Variants in ITSN1 observed in about 807,000 individuals in gnomAD.
ITSN1 encodes the protein intersectin-1.
In ITSN1, 58 loss-of-function variants were observed where a neutral mutation model predicts 239.8. The ratio of observed to expected loss-of-function variants is 0.24; its 90% CI spans 0.20 to 0.30. The LOEUF (loss-of-function observed/expected upper bound fraction) is 0.30, where lower values mean the gene tolerates loss of function less well. Among genes scored for constraint, ITSN1 ranks in the 10% least tolerant of loss-of-function variants. ITSN1 has a pLI of 1.00. For missense variants in ITSN1, 1,558 were observed against 2,103.3 expected (o/e 0.74, Z 5.07); for synonymous variants, 780 against 770.8 (o/e 1.01, Z -0.20).
At chr21:33,824,725 G>A (rs927428144) in intron 25 of ITSN1, among the ~76,000 whole-genome samples, 2 of 152,202 alleles carry the variant, frequency 1.3e-5, no homozygotes, top group Non-Finnish European at 2.9e-5. Flanking sequence ...CTCTCCTGCA[G>A]CTCCCAGAAA....
chr21:33,721,377 T>C, intron 3 of ITSN1, 107 bp downstream of exon 3: 1 of 735,048 alleles, frequency 1.4e-6, no homozygotes, highest in African/African-American at 1.7e-5. Context: ...AGGAGAGACA[T>C]TTACCTGTTT....
At chr21:33,782,790 C>A (rs1469498684) in intron 16 of ITSN1, among the ~76,000 whole-genome samples, 1 of 152,216 alleles carries the variant, frequency 6.6e-6, no homozygotes, top group Non-Finnish European at 1.5e-5. Flanking sequence ...CTTTGGGAGG[C>A]CGAGGCAGGC....
At chr21:33,869,902 G>T in intron 33 of ITSN1, among the ~76,000 whole-genome samples, 1 of 152,054 alleles carries the variant, frequency 6.6e-6, no homozygotes, top group Admixed American at 6.5e-5. Flanking sequence ...TTTATTTCTA[G>T]ATCCATCTAT....
chr21:33,791,776 C>T (rs2071153653), intron 16 of ITSN1, among the ~76,000 whole-genome samples: 2 of 152,106 alleles, frequency 1.3e-5, no homozygotes, highest in African/African-American at 4.8e-5. Flanking sequence ...TGGCCAGTGT[C>T]CATTCTGGTT....
intron 12 of ITSN1, among the ~76,000 whole-genome samples, chr21:33,772,550 A>G (rs969924676): frequency 6.6e-6 from 1 of 152,136 alleles, no homozygotes; most frequent in Non-Finnish European, 1.5e-5. Flanking sequence ...AGCTCCTATC[A>G]TTAATTTTAC....
chr21:33,856,804 G>A lies in ITSN1; in HGVS notation c.3730G>A (p.Glu1244Lys), dbSNP rs1979424956. The change falls in exon 30 of 40, where the codon GAG becomes AAG. Residue 1244 changes from glutamate to lysine, a missense_variant. By Grantham distance (56) the Glu-to-Lys change is moderately conservative. Around this residue, in one of 2 missense-constraint regions of ITSN1, gnomAD observed 576 missense variants for 893.3 expected, o/e 0.64. Transcript: ENST00000381318. The part of the protein sequence containing the change: ...TERKRQGYIH[E>K]LIVTEENYVN... ...AAGAAAGCGACAAGGATACATCCAC[G>A]AGCTCATTGTCACCGAGGAGAACTA... 5 of 1,614,126 alleles carry A rather than the reference G, an allele frequency of 3.1e-6. No individual in the cohort carries two copies. Among genetic ancestry groups the A allele is most frequent in the Non-Finnish European group, 4.2e-6 (5 of 1,180,030 alleles).
chr21:33,805,797 G>C (rs8133717), intron 20 of ITSN1, among the ~76,000 whole-genome samples: 4,105 of 151,086 alleles, frequency 0.027, 133 homozygotes, highest in African/African-American at 0.079. Context: ...TCAGCCTCCC[G>C]AGTAGCTAGG....
At position 33,653,743 on chromosome 21, in the gene ITSN1, C is replaced by T. The variant is rs192577728; in HGVS notation, c.-33+11030C>T. On this transcript the variant is annotated intron_variant, in intron 1 of 39. Transcript: ENST00000381318. Reference sequence around the variant, plus strand: ...TTCACCGTGTTAGCCAAGATGGCCTCGATCTCCTGACCTCGTGATCCGCCC... The same window carrying T: ...TTCACCGTGTTAGCCAAGATGGCCTTGATCTCCTGACCTCGTGATCCGCCC... Among the ~76,000 whole-genome samples, 919 of 152,140 alleles carry T rather than the reference C, an allele frequency of 6.0e-3. 8 individuals carry two copies. The highest frequency in any genetic ancestry group is 9.5e-3 in the Non-Finnish European group (644 of 68,000).
chr21:33,838,972 C>T (rs1410664168), intron 29 of ITSN1, among the ~76,000 whole-genome samples: 1 of 152,232 alleles, frequency 6.6e-6, no homozygotes, highest in Non-Finnish European at 1.5e-5. Context: ...AATAAACCAG[C>T]GTCCACATTG....
Position 33,673,313 on chromosome 21 carries a change from T to C in ITSN1, c.-33+30600T>C, listed in dbSNP as rs138575487. 1.7e-3 allele frequency among the ~76,000 whole-genome samples: 260 copies of C among 152,250 alleles called. 1 individual carries two copies. Among genetic ancestry groups the C allele is most frequent in the African/African-American group, 5.9e-3 (245 of 41,550 alleles). ...TACATAGGATGAATAAAACTAGAGATCTAATATTTAGCATGATGACTCTGG... is the reference window on the plus strand; with the variant it reads ...TACATAGGATGAATAAAACTAGAGACCTAATATTTAGCATGATGACTCTGG... On this transcript the variant is annotated intron_variant, in intron 1 of 39. Transcript: ENST00000381318.
rs1054463726 is a variant in ITSN1, at chr21:33,889,610, G to A, written c.*1310G>A. On this transcript the variant is annotated 3_prime_UTR_variant, in exon 40 of 40. Transcript: ENST00000381318. ...TAATGAAAAGTGGGGGCCGTGTTTT[G>A]TTTGCATGTTAATATTCTCATAATC... is the stretch of plus-strand genomic sequence containing the variant. The A allele has an allele frequency of 6.6e-6, 1 of 152,068 alleles. No homozygotes were observed. Among genetic ancestry groups the A allele is most frequent in the African/African-American group, 2.4e-5 (1 of 41,384 alleles). 9.4% of individuals were successfully genotyped at this position (152,068 alleles called of 1,614,324 possible).
chr21:33,828,448 G>A (rs75960403), intron 26 of ITSN1, among the ~76,000 whole-genome samples: 2,956 of 152,312 alleles, frequency 0.019, 89 homozygotes, highest in African/African-American at 0.068. Context: ...CACCATGACC[G>A]CCAGGTGCTT....
At chr21:33,748,575 C>CA (rs1205884034) in intron 5 of ITSN1, among the ~76,000 whole-genome samples, 2 of 152,020 alleles carry the variant, frequency 1.3e-5, no homozygotes, top group African/African-American at 2.4e-5. Flanking sequence ...CATGGTGACT[C>CA]ACGCTTGTAA....
chr21:33,785,356 C>A (rs2070574582), intron 16 of ITSN1, among the ~76,000 whole-genome samples: 3 of 152,302 alleles, frequency 2.0e-5, no homozygotes, highest in Admixed American at 6.5e-5. Flanking sequence ...AAAGGTAATA[C>A]AGGGAATAAT....
intron 1 of ITSN1, among the ~76,000 whole-genome samples, chr21:33,647,790 C>A (rs751071477): frequency 6.6e-6 from 1 of 152,204 alleles, no homozygotes; most frequent in Non-Finnish European, 1.5e-5. Context: ...GCCACCACAC[C>A]CAGTCATGGA....
At chr21:33,717,645 T>C (rs1435232779) in intron 1 of ITSN1, among the ~76,000 whole-genome samples, 3 of 152,068 alleles carry the variant, frequency 2.0e-5, no homozygotes, top group Non-Finnish European at 4.4e-5. Context: ...AAGCTCCATC[T>C]CCTGGGTTCA....
intron 1 of ITSN1, among the ~76,000 whole-genome samples, chr21:33,684,351 C>A (rs111495196): frequency 0.02 from 3,017 of 152,208 alleles, 65 homozygotes; most frequent in African/African-American, 0.054. Context: ...CACTAAAAGA[C>A]AGTCAAGGGG....
chr21:33,700,951 CTGTGTGTGTGTGTGTG>C (rs72389168), intron 1 of ITSN1, among the ~76,000 whole-genome samples: 31 of 141,862 alleles, frequency 2.2e-4, no homozygotes, highest in South Asian at 1.2e-3. Context: ...TTTCTTTTTT[CTGTGTGTGTGTGTGTG>C]TGTGTGTGTG....
chr21:33,701,804 A>G (rs1318392594), intron 1 of ITSN1, among the ~76,000 whole-genome samples: 1 of 151,854 alleles, frequency 6.6e-6, no homozygotes, highest in African/African-American at 2.4e-5. Flanking sequence ...CAAAAAAAAA[A>G]AGGCCGGAAT....
Sources: allele counts gnomAD v4.1 joint callset (sites outside exome capture counted in the v4.1 genomes callset), GRCh38; gene constraint gnomAD v4.1.1; regional missense constraint gnomAD v4.1.1; transcripts MANE v1.5; gene names NCBI Gene and HGNC (gene_info 2026-07-23, HGNC 2026-07-21).